CDNF: variants seen among roughly 807,000 people sequenced by gnomAD.
CDNF encodes ARMET-like protein 1.
A neutral mutation model predicts 14.8 loss-of-function variants in CDNF; 9 were observed. The ratio of observed to expected loss-of-function variants is 0.61; its 90% CI spans 0.37 to 1.06. CDNF has a LOEUF of 1.06. CDNF is among the 50% of genes least tolerant of loss of function. The pLI is 0.01. For synonymous variants in CDNF, 86 were observed against 87.2 expected (o/e 0.99, Z 0.07); for missense variants, 228 against 228.4 (o/e 1.00, Z 0.01).
chr10:14,837,781 T>A, intron 1 of CDNF, 51 bp downstream of exon 1: 1 of 1,161,818 alleles, frequency 8.6e-7, no homozygotes. Flanking sequence ...CGACAGCTGC[T>A]GCGCCGCAGC....
chr10:14,835,856 C>A (rs977544760), intron 1 of CDNF, among the ~76,000 whole-genome samples: 1 of 152,080 alleles, frequency 6.6e-6, no homozygotes, highest in East Asian at 1.9e-4. Context: ...AGAGTAGGGG[C>A]GGCAAACTAC....
intron 3 of CDNF, 77 bp from the exon 4 acceptor site, chr10:14,820,235 A>G: frequency 6.9e-7 from 1 of 1,444,018 alleles, no homozygotes; most frequent in Non-Finnish European, 9.5e-7. Flanking sequence ...CAAAAGGCAT[A>G]TAGTTTGCTT....
chr10:14,831,582 A>ATATATT (rs1554764505), intron 1 of CDNF, among the ~76,000 whole-genome samples: 11 of 149,838 alleles, frequency 7.3e-5, no homozygotes, highest in African/African-American at 2.7e-4. Flanking sequence ...ATATATATAT[A>ATATATT]TTTTTTTTCA....
At chr10:14,833,123 G>C (rs1029516012) in intron 1 of CDNF, among the ~76,000 whole-genome samples, 5 of 152,086 alleles carry the variant, frequency 3.3e-5, no homozygotes, top group Non-Finnish European at 7.4e-5. Flanking sequence ...GCCTCCCAAA[G>C]TGCTGGATTA....
In CDNF at chr10:14,828,164, T is replaced by C. The variant is rs1204109553; in HGVS notation, c.224A>G (p.Lys75Arg). Residue 75 changes from lysine (K) to arginine (R), a missense_variant, in exon 2 of 4, where the codon AAA (lysine) becomes AGA (arginine). Transcript: ENST00000465530. ...KELISFCLDT[K>R]GKENRLCYYL... Reference sequence around the variant, plus strand: ...CTATACCAGGCGGTTTTCTTTTCCTTTGGTGTCCAAGCAAAAACTGATCAA... The same window carrying C: ...CTATACCAGGCGGTTTTCTTTTCCTCTGGTGTCCAAGCAAAAACTGATCAA... 2.5e-6 allele frequency: 4 copies of C among 1,613,922 alleles called. No homozygotes were observed. The highest frequency in any genetic ancestry group is 3.3e-5 in the Admixed American group (2 of 59,976).
intron 1 of CDNF, among the ~76,000 whole-genome samples, chr10:14,834,020 G>GT (rs1833866277): frequency 6.6e-6 from 1 of 152,180 alleles, no homozygotes; most frequent in African/African-American, 2.4e-5. Context: ...GAAACCTGCT[G>GT]TAATGATTAA....
At chr10:14,828,663 C>T (rs769671215) in intron 1 of CDNF, among the ~76,000 whole-genome samples, 1 of 151,134 alleles carries the variant, frequency 6.6e-6, no homozygotes, top group South Asian at 2.1e-4. Flanking sequence ...AAAAAAGAAA[C>T]GTCCATATGA....
intron 3 of CDNF, 114 bp from the exon 4 acceptor site, chr10:14,820,272 C>G: frequency 9.8e-7 from 1 of 1,019,492 alleles, no homozygotes. Flanking sequence ...CCCTATGATC[C>G]AAGGCAGGGA....
chr10:14,829,382 G>A (rs139901810), intron 1 of CDNF, among the ~76,000 whole-genome samples: 2 of 152,274 alleles, frequency 1.3e-5, no homozygotes, highest in African/African-American at 4.8e-5. Context: ...AGGCCAAGGC[G>A]AGAGGATCTC....
rs557739924 is a variant in CDNF, at chr10:14,835,361, C to T, written c.115+2471G>A. Among the ~76,000 whole-genome samples, 6 of 152,274 alleles carry T rather than the reference C, an allele frequency of 3.9e-5. No individual in the cohort carries two copies. In the South Asian group the frequency reaches 6.2e-4, roughly 16 times the overall value. On this transcript the variant is annotated intron_variant, in intron 1 of 3. Transcript: ENST00000465530. ...AGGATCAGAAGCCCACAAAGACACA[C>T]TGGACAAGTGGGCATAGAGACAGGA...
Position 14,837,932 on chromosome 10 carries a change from G to A in CDNF, c.15C>T (p.Ser5=). 1 of 1,600,424 alleles carries A rather than the reference G, an allele frequency of 6.2e-7. No homozygotes were observed. Among genetic ancestry groups the A allele is most frequent in the Non-Finnish European group, 8.5e-7 (1 of 1,174,968 alleles). MWCA[S]PVAVVAFCAG... ...CGCAAAAGGCCACCACAGCAACTGG[G>A]CTCGCGCACCACATGCTGGGCCAGC... Residue 5 remains serine (S), a synonymous_variant, in exon 1 of 4, where the codon AGC becomes AGT. Transcript: ENST00000465530.
chr10:14,821,366 C>T (rs1164470000), intron 3 of CDNF, among the ~76,000 whole-genome samples: 7 of 152,202 alleles, frequency 4.6e-5, no homozygotes, highest in African/African-American at 9.7e-5. Context: ...TCAGCTGATC[C>T]GCCTGCCACG....
intron 3 of CDNF, among the ~76,000 whole-genome samples, chr10:14,820,733 A>G (rs1290587632): frequency 5.4e-5 from 8 of 147,180 alleles, no homozygotes; most frequent in Admixed American, 2.7e-4. Context: ...CTCTGTCTCA[A>G]AAAAAAAATA....
At chr10:14,834,536 G>A (rs1304490571) in intron 1 of CDNF, among the ~76,000 whole-genome samples, 1 of 151,760 alleles carries the variant, frequency 6.6e-6, no homozygotes, top group Non-Finnish European at 1.5e-5. Flanking sequence ...ATGAAAGTTA[G>A]GAATACTAAC....
intron 2 of CDNF, among the ~76,000 whole-genome samples, chr10:14,826,482 A>AAAGAAGAAGAAGAAGAAG (rs111933790): frequency 1.4e-5 from 2 of 140,892 alleles, no homozygotes; most frequent in Middle Eastern, 3.7e-3. Context: ...AGAAGAAGAA[A>AAAGAAGAAGAAGAAGAAG]AAGAAGAAGA....
intron 3 of CDNF, among the ~76,000 whole-genome samples, chr10:14,825,014 C>T (rs928500845): frequency 5.9e-5 from 9 of 151,720 alleles, no homozygotes; most frequent in East Asian, 1.9e-4. Context: ...AGTGCAGTGG[C>T]GGGATCTGGG....
chr10:14,820,121 C>A lies in CDNF; in HGVS notation c.423G>T (p.Lys141Asn). 1.2e-6 allele frequency: 2 copies of A among 1,614,174 alleles called. No individual in the cohort carries two copies. The change falls in exon 4 of 4, where the codon AAG becomes AAT. Residue 141 changes from lysine to asparagine, a missense_variant. Physicochemically the swap from Lys to Asn is moderately conservative, Grantham distance 94. Coordinates refer to ENST00000465530, the MANE Select transcript of CDNF (RefSeq NM_001029954.3). ...TCTGCTTCAGCTCTGCCACTCTCAT[C>A]TTCCGCAGGTCAACTGATGCCAAGT... ...TLDLASVDLRKMRVAELKQIL... is the reference protein window; with the variant it reads ...TLDLASVDLRNMRVAELKQIL...
chr10:14,833,890 A>G (rs768766654), intron 1 of CDNF, among the ~76,000 whole-genome samples: 1 of 152,224 alleles, frequency 6.6e-6, no homozygotes, highest in African/African-American at 2.4e-5. Context: ...CCAAAAGGCA[A>G]GTGAACACAG....
chr10:14,831,586 T>G (rs530086851), intron 1 of CDNF, among the ~76,000 whole-genome samples: 2 of 151,238 alleles, frequency 1.3e-5, no homozygotes. Flanking sequence ...ATATATATTT[T>G]TTTTCAAGAT....
Sources: gnomAD v4.1 joint callset for allele counts (sites outside exome capture counted in the v4.1 genomes callset) on GRCh38, gnomAD v4.1.1 for gene constraint, MANE v1.5 for transcripts, NCBI Gene and HGNC (gene_info 2026-07-23, HGNC 2026-07-21) for gene names.